Variants in EML1 observed in about 807,000 individuals in gnomAD.
EML1 encodes the protein echinoderm microtubule-associated protein-like 1.
EML1 carries 27 observed loss-of-function variants against 110.4 expected under a neutral mutation model. That is an observed-to-expected ratio of 0.24 (90% CI 0.18 to 0.34). EML1 has a LOEUF of 0.34. Among genes scored for constraint, EML1 ranks in the 10% least tolerant of loss-of-function variants. The pLI, the probability that EML1 is intolerant of heterozygous loss-of-function variation, is 1.00. For synonymous variants in EML1, 344 were observed against 385.8 expected, an observed-to-expected ratio of 0.89 and a Z score of 1.27; for missense variants, 741 against 1,030.9, an observed-to-expected ratio of 0.72 and a Z score of 3.85.
chr14:99,739,106 G>C (rs78273861), intron 1 of EML1, among the ~76,000 whole-genome samples: 44 of 68,474 alleles, frequency 6.4e-4, no homozygotes, highest in African/African-American at 1.5e-3. Context: ...GAGAGAGACA[G>C]AGAGAGAGAG....
intron 1 of EML1, among the ~76,000 whole-genome samples, chr14:99,803,272 G>T (rs2057915391): frequency 6.6e-6 from 1 of 152,162 alleles, no homozygotes; most frequent in South Asian, 2.1e-4. Context: ...CATGTGACAG[G>T]TGCATGCCAA....
chr14:99,826,669 C>T (rs553799152), intron 1 of EML1, among the ~76,000 whole-genome samples: 2 of 151,276 alleles, frequency 1.3e-5, no homozygotes, highest in African/African-American at 4.9e-5. Context: ...TGTGTAACAC[C>T]GTGGTAGGGT....
At chr14:99,930,011 C>A (rs954722277) in intron 17 of EML1, among the ~76,000 whole-genome samples, 2 of 152,126 alleles carry the variant, frequency 1.3e-5, no homozygotes, top group Admixed American at 6.5e-5. Flanking sequence ...GAAGGACCAA[C>A]GAGCCCCCAG....
chr14:99,841,508 G>A (rs917913646), intron 1 of EML1, among the ~76,000 whole-genome samples: 4 of 152,134 alleles, frequency 2.6e-5, no homozygotes, highest in African/African-American at 4.8e-5. Context: ...TGCTCAGTTT[G>A]AATCCCAAAT....
chr14:99,913,585 A>T (rs2059982027), intron 13 of EML1, among the ~76,000 whole-genome samples: 1 of 152,238 alleles, frequency 6.6e-6, no homozygotes, highest in Non-Finnish European at 1.5e-5. Context: ...GTTGAGGAAA[A>T]TGCTTTTTCT....
intron 1 of EML1, among the ~76,000 whole-genome samples, chr14:99,837,834 C>T (rs745965517): frequency 6.6e-6 from 1 of 152,192 alleles, no homozygotes; most frequent in Non-Finnish European, 1.5e-5. Context: ...GAGGCTTACT[C>T]TGTCCCCCAG....
chr14:99,804,737 G>A (rs1177512507), intron 1 of EML1, among the ~76,000 whole-genome samples: 1 of 152,116 alleles, frequency 6.6e-6, no homozygotes, highest in Non-Finnish European at 1.5e-5. Context: ...TTGGATTATT[G>A]GAGGAGTCTC....
intron 1 of EML1, among the ~76,000 whole-genome samples, chr14:99,754,162 C>T (rs1388584597): frequency 2.0e-5 from 3 of 152,258 alleles, no homozygotes; most frequent in Admixed American, 6.5e-5. Context: ...AGGACACAGA[C>T]GTTGCTGGCC....
intron 4 of EML1, among the ~76,000 whole-genome samples, chr14:99,884,453 G>T (rs1370463544): frequency 6.6e-6 from 1 of 152,192 alleles, no homozygotes; most frequent in Admixed American, 6.5e-5. Flanking sequence ...AGCACAGAAA[G>T]ACTCATTCTC....
At chr14:99,917,224 G>A (rs565487207) in intron 15 of EML1, among the ~76,000 whole-genome samples, 11 of 152,248 alleles carry the variant, frequency 7.2e-5, no homozygotes, top group African/African-American at 2.2e-4. Context: ...TCTTTCATCA[G>A]ATTACTGTAG....
intron 1 of EML1, among the ~76,000 whole-genome samples, chr14:99,824,105 C>T (rs1462356079): frequency 6.6e-6 from 1 of 152,040 alleles, no homozygotes; most frequent in African/African-American, 2.4e-5. Context: ...TACAGGCACC[C>T]GCCACCATGC....
At chr14:99,805,762 C>CA (rs1463315898) in intron 1 of EML1, among the ~76,000 whole-genome samples, 9 of 151,938 alleles carry the variant, frequency 5.9e-5, no homozygotes. Flanking sequence ...AGCCATGAGC[C>CA]ACTACACCCA....
At chr14:99,908,283 C>T (rs935305086) in intron 10 of EML1, among the ~76,000 whole-genome samples, 4 of 152,250 alleles carry the variant, frequency 2.6e-5, no homozygotes, top group Non-Finnish European at 5.9e-5. Context: ...TCTTTGACCG[C>T]CTCTAATCCG....
upstream of EML1, among the ~76,000 whole-genome samples, chr14:99,770,779 A>ATTTTTTTTTTTTTTTTTTTTTTTTCTT (rs34744469): frequency 1.1e-5 from 1 of 91,640 alleles, no homozygotes; most frequent in African/African-American, 4.5e-5. Context: ...GTTTCCGCTG[A>ATTTTTTTTTTTTTTTTTTTTTTTTCTT]TTTTTTTTTT....
intron 4 of EML1, among the ~76,000 whole-genome samples, chr14:99,887,872 G>A (rs2059509670): frequency 6.6e-6 from 1 of 152,178 alleles, no homozygotes; most frequent in Admixed American, 6.5e-5. Context: ...CTGTGTGTTT[G>A]CCTTTCTATC....
chr14:99,869,842 C>G (rs539029814), intron 3 of EML1, among the ~76,000 whole-genome samples: 2 of 152,328 alleles, frequency 1.3e-5, no homozygotes, highest in South Asian at 2.1e-4. Flanking sequence ...CTTGCTCCCT[C>G]TCTTGCCAAA....
intron 1 of EML1, among the ~76,000 whole-genome samples, chr14:99,778,539 T>G (rs928479616): frequency 1.3e-5 from 2 of 152,226 alleles, no homozygotes; most frequent in African/African-American, 4.8e-5. Flanking sequence ...ATCCACTTCC[T>G]GCAGATTCCT....
chr14:99,899,179 A>G (rs1280254975), intron 8 of EML1, among the ~76,000 whole-genome samples: 2 of 108,718 alleles, frequency 1.8e-5, no homozygotes, highest in South Asian at 4.0e-4. Flanking sequence ...TTATTGCATA[A>G]TATTTTATCT....
In EML1 at chr14:99,911,551, A is replaced by G. The variant is rs2059947044; in HGVS notation, c.1469A>G (p.Asn490Ser). 4 of 1,612,596 alleles carry G rather than the reference A, an allele frequency of 2.5e-6. No individual in the cohort carries two copies. Among genetic ancestry groups the G allele is most frequent in the African/African-American group, 1.3e-5 (1 of 74,876 alleles). Residue 490 changes from asparagine (N) to serine (S), a missense_variant, in exon 13 of 22, where the codon AAC (asparagine) becomes AGC (serine). Around this residue, in one of 4 missense-constraint regions of EML1, gnomAD observed 388 missense variants for 605.6 expected, o/e 0.64. Transcript: ENST00000262233. ...CGAAAGCTCATTTCTTGGAGCGGAAACTATCAAAAACTTCGTAAAACGGAG... is the reference window on the plus strand; with the variant it reads ...CGAAAGCTCATTTCTTGGAGCGGAAGCTATCAAAAACTTCGTAAAACGGAG... Reference protein sequence around the residue: ...KDRKLISWSGNYQKLRKTEIP... With the variant: ...KDRKLISWSGSYQKLRKTEIP...
Sources: allele counts gnomAD v4.1 joint callset (sites outside exome capture counted in the v4.1 genomes callset), GRCh38; gene constraint gnomAD v4.1.1; regional missense constraint gnomAD v4.1.1; transcripts MANE v1.5; gene names NCBI Gene and HGNC (gene_info 2026-07-23, HGNC 2026-07-21).